Variants in PLCG2 observed in about 807,000 individuals in gnomAD.
PLCG2 encodes the protein 1-phosphatidylinositol 4,5-bisphosphate phosphodiesterase gamma-2.
Under a neutral mutation model 175.6 loss-of-function variants are expected in PLCG2, and 69 were observed. That is an observed-to-expected ratio of 0.39 (90% CI 0.32 to 0.48). The LOEUF is 0.48. Ranked by LOEUF, PLCG2 falls within the 20% of genes least tolerant of loss-of-function variation. The pLI is 0.91. For synonymous variants in PLCG2, 827 were observed against 624.0 expected (o/e 1.33, Z -4.85); for missense variants, 1,798 against 1,650.9 (o/e 1.09, Z -1.54).
At chr16:81,860,260 A>G (rs1285419590) in intron 5 of PLCG2, among the ~76,000 whole-genome samples, 4 of 150,262 alleles carry the variant, frequency 2.7e-5, no homozygotes, top group African/African-American at 7.4e-5. Context: ...CTTTAGATTA[A>G]TGCATTGTCA....
At chr16:81,800,845 T>A (rs996487317) in intron 2 of PLCG2, among the ~76,000 whole-genome samples, 2 of 152,086 alleles carry the variant, frequency 1.3e-5, no homozygotes, top group African/African-American at 2.4e-5. Flanking sequence ...GATCCTGGAT[T>A]ATCTGGGTGG....
intron 2 of PLCG2, among the ~76,000 whole-genome samples, chr16:81,763,555 G>A (rs961604813): frequency 6.6e-6 from 1 of 152,244 alleles, no homozygotes; most frequent in Non-Finnish European, 1.5e-5. Flanking sequence ...AGCATGGTGA[G>A]GTCAGGGTAG....
intron 7 of PLCG2, among the ~76,000 whole-genome samples, chr16:81,874,948 GTTTTTTTTTTTT>G (rs770994063): frequency 9.8e-5 from 4 of 40,770 alleles, no homozygotes; most frequent in African/African-American, 1.6e-4. Flanking sequence ...TATCCTATGT[GTTTTTTTTTTTT>G]TTTTTTTTTT....
chr16:81,881,587 C>A (rs928142274), intron 8 of PLCG2, among the ~76,000 whole-genome samples: 3 of 152,190 alleles, frequency 2.0e-5, no homozygotes, highest in Non-Finnish European at 4.4e-5. Flanking sequence ...TTCCCTCTGT[C>A]ACTTTTGAAA....
chr16:81,752,008 C>T (rs1338837561), intron 1 of PLCG2, among the ~76,000 whole-genome samples: 1 of 151,486 alleles, frequency 6.6e-6, no homozygotes, highest in African/African-American at 2.4e-5. Flanking sequence ...GCCAACAAAG[C>T]AAGAGTCTAT....
chr16:81,823,892 T>C (rs1404453986), intron 2 of PLCG2, among the ~76,000 whole-genome samples: 1 of 151,356 alleles, frequency 6.6e-6, no homozygotes, highest in Admixed American at 6.6e-5. Context: ...CTTCTTTTCT[T>C]TCCTCCCTTC....
At chr16:81,890,733 A>G (rs1444516916) in intron 10 of PLCG2, among the ~76,000 whole-genome samples, 1 of 152,198 alleles carries the variant, frequency 6.6e-6, no homozygotes, top group Non-Finnish European at 1.5e-5. Context: ...CCAGATCGCT[A>G]AAGCATTTTT....
intron 10 of PLCG2, 39 bp downstream of exon 10, chr16:81,889,312 TTTGA>T: frequency 9.2e-7 from 1 of 1,091,358 alleles, no homozygotes; most frequent in Non-Finnish European, 1.4e-6. Context: ...GGGGTGACTT[TTTGA>T]TTGATGTCTG....
intron 28 of PLCG2, 107 bp downstream of exon 28, chr16:81,938,010 C>G (rs1910788018): frequency 1.0e-6 from 1 of 963,300 alleles, no homozygotes; most frequent in Non-Finnish European, 1.6e-6. Context: ...GGCTGGTTGT[C>G]TTGTTTAAAC....
intron 2 of PLCG2, among the ~76,000 whole-genome samples, chr16:81,846,374 C>G (rs565966366): frequency 1.3e-5 from 2 of 152,190 alleles, no homozygotes; most frequent in African/African-American, 2.4e-5. Context: ...CTTTATTCTG[C>G]TCGCCATCCC....
intron 2 of PLCG2, among the ~76,000 whole-genome samples, chr16:81,827,582 A>G (rs1012296959): frequency 2.0e-5 from 3 of 152,146 alleles, no homozygotes; most frequent in African/African-American, 7.2e-5. Context: ...GACCTAAATA[A>G]GAGAAGCAGG....
At position 81,899,865 on chromosome 16, in the gene PLCG2, C is replaced by T. The variant is rs558840159; in HGVS notation, c.1194-747C>T. 1.3e-4 allele frequency among the ~76,000 whole-genome samples: 20 copies of T among 152,328 alleles called. 1 individual carries two copies. Among genetic ancestry groups the T allele is most frequent in the Non-Finnish European group, 1.2e-4 (8 of 68,034 alleles). On this transcript the variant is annotated intron_variant, in intron 13 of 32. Transcript: ENST00000564138. ...TTAAACAGAAACACACATAAAACAA[C>T]GTCAGATATTGATTCATTGAGGAAA...
At chr16:81,846,762 G>GT (rs149315118) in intron 2 of PLCG2, among the ~76,000 whole-genome samples, 1,938 of 152,198 alleles carry the variant, frequency 0.013, 51 homozygotes, top group African/African-American at 0.044. Context: ...ACAAGAAAAG[G>GT]TTTTTTTCAA....
intron 2 of PLCG2, among the ~76,000 whole-genome samples, chr16:81,817,954 C>A (rs1447010142): frequency 2.0e-5 from 3 of 152,150 alleles, no homozygotes; most frequent in Non-Finnish European, 4.4e-5. Context: ...GAGCAAAGAC[C>A]CAAAGGAGAA....
chr16:81,781,559 A>T (rs1567460370), intron 1 of PLCG2, among the ~76,000 whole-genome samples: 1 of 152,194 alleles, frequency 6.6e-6, no homozygotes, highest in African/African-American at 2.4e-5. Context: ...GTAGCTGCTC[A>T]CAGGTTGCCC....
intron 2 of PLCG2, among the ~76,000 whole-genome samples, chr16:81,821,414 A>G (rs557407543): frequency 2.0e-4 from 30 of 152,316 alleles, no homozygotes; most frequent in Non-Finnish European, 2.8e-4. Flanking sequence ...ATGAAATAAT[A>G]CAAATGTACA....
intron 22 of PLCG2, among the ~76,000 whole-genome samples, chr16:81,926,166 C>G (rs144808094): frequency 6.0e-4 from 91 of 152,304 alleles, no homozygotes; most frequent in African/African-American, 2.2e-3. Flanking sequence ...ATAGGGACGA[C>G]GGGCCAGCTG....
At chr16:81,857,328 C>T (rs1906736711) in intron 3 of PLCG2, among the ~76,000 whole-genome samples, 1 of 152,140 alleles carries the variant, frequency 6.6e-6, no homozygotes, top group Non-Finnish European at 1.5e-5. Context: ...GGTTTGAATT[C>T]CTCAGCTTTT....
chr16:81,926,429 C>T (rs555426318), intron 22 of PLCG2, among the ~76,000 whole-genome samples: 11 of 152,252 alleles, frequency 7.2e-5, no homozygotes, highest in African/African-American at 2.2e-4. Context: ...AGGTGCTCAC[C>T]GTCTGGTGGG....
Sources: gnomAD v4.1 joint callset for allele counts (sites outside exome capture counted in the v4.1 genomes callset) on GRCh38, gnomAD v4.1.1 for gene constraint, MANE v1.5 for transcripts, NCBI Gene and HGNC (gene_info 2026-07-23, HGNC 2026-07-21) for gene names.